The following STRBP variants were observed in gnomAD, a reference collection of about 807,000 sequenced individuals.
The protein encoded by STRBP is spermatid perinuclear RNA binding protein.
A neutral mutation model predicts 80.1 loss-of-function variants in STRBP; 13 were observed. The ratio of observed to expected loss-of-function variants is 0.16; its 90% confidence interval spans 0.11 to 0.26. The LOEUF (loss-of-function observed/expected upper bound fraction) is 0.26. Ranked by LOEUF, STRBP falls within the 10% of genes least tolerant of loss-of-function variation. The pLI, the probability that STRBP is intolerant of heterozygous loss-of-function variation, is 1.00. For missense variants in STRBP, 485 were observed against 815.2 expected (o/e 0.59, Z 4.93); for synonymous variants, 284 against 291.2 (o/e 0.98, Z 0.25).
intron 2 of STRBP, among the ~76,000 whole-genome samples, chr9:123,190,562 C>A (rs2038887405): frequency 6.6e-6 from 1 of 152,106 alleles, no homozygotes; most frequent in African/African-American, 2.4e-5. Context: ...CCGGCTATTC[C>A]TCCTTACCCA....
chr9:123,249,355 G>A (rs2040864807), intron 1 of STRBP, among the ~76,000 whole-genome samples: 1 of 152,032 alleles, frequency 6.6e-6, no homozygotes, highest in South Asian at 2.1e-4. Context: ...CTCCAGCCTG[G>A]GCAACAGAGT....
chr9:123,230,931 G>T (rs1285230671), intron 2 of STRBP, among the ~76,000 whole-genome samples: 1 of 152,094 alleles, frequency 6.6e-6, no homozygotes, highest in Non-Finnish European at 1.5e-5. Context: ...AAAACAAAAA[G>T]GTTAAACCTA....
intron 6 of STRBP, among the ~76,000 whole-genome samples, chr9:123,166,785 CAACAACAA>C (rs1186288592): frequency 1.4e-3 from 113 of 79,518 alleles, no homozygotes; most frequent in Non-Finnish European, 2.6e-3. Flanking sequence ...ACAACAACAA[CAACAACAA>C]AAAAACAAGC....
At chr9:123,217,804 T>C (rs535729392) in intron 2 of STRBP, among the ~76,000 whole-genome samples, 2 of 152,372 alleles carry the variant, frequency 1.3e-5, no homozygotes, top group South Asian at 2.1e-4. Flanking sequence ...GCATTCAGTA[T>C]TGCAAATCCA....
chr9:123,170,123 C>A, intron 5 of STRBP, 77 bp from the exon 6 acceptor site: 1 of 1,405,878 alleles, frequency 7.1e-7, no homozygotes, highest in Non-Finnish European at 9.6e-7. Context: ...AATGCTTGTA[C>A]TAAGTTCTCG....
Position 123,168,306 on chromosome 9 carries a change from T to C in STRBP, c.535+1596A>G, listed in dbSNP as rs868340431. On this transcript the variant is annotated intron_variant, in intron 6 of 18. Coordinates refer to ENST00000348403, the MANE Select transcript of STRBP (RefSeq NM_018387.5). ...TAAGATTGGTTCTTCAGAGGTGCTA[T>C]AGATACTACATACAGCAAAAAAATT... 1.8e-5 allele frequency: 15 copies of C among 811,038 alleles called. No individual in the cohort carries two copies. The Middle Eastern group carries it at 1.9e-3, about 103-fold the overall frequency. 50.2% of individuals were successfully genotyped at this position (811,038 alleles called of 1,614,324 possible).
At chr9:123,141,210 T>C (rs1415050319) in intron 13 of STRBP, among the ~76,000 whole-genome samples, 1 of 152,186 alleles carries the variant, frequency 6.6e-6, no homozygotes, top group Non-Finnish European at 1.5e-5. Flanking sequence ...ATATAAACAG[T>C]GTTACCCTAA....
At chr9:123,212,324 A>G (rs1272167766) in intron 2 of STRBP, among the ~76,000 whole-genome samples, 1 of 152,206 alleles carries the variant, frequency 6.6e-6, no homozygotes, top group Non-Finnish European at 1.5e-5. Flanking sequence ...AACAGTATAT[A>G]TTAATAATTG....
rs192624250 is a variant in STRBP at position 123,149,754 on chromosome 9, C to T, written c.1046-1884G>A. 4.6e-5 allele frequency among the ~76,000 whole-genome samples: 7 copies of T among 152,290 alleles called. No individual in the cohort carries two copies. The East Asian group carries it at 1.3e-3, about 29-fold the overall frequency. On this transcript the variant is annotated intron_variant, in intron 11 of 18. Coordinates refer to ENST00000348403, the MANE Select transcript of STRBP (RefSeq NM_018387.5). ...ACTGTTAACATCTTACAGGTATTAA[C>T]TTATTTAATCCTCATGAGCACCCTC...
chr9:123,178,990 G>C lies in STRBP; in HGVS notation c.224+17C>G. On this transcript the variant is annotated intron_variant, in intron 4 of 18. Coordinates refer to ENST00000348403, the MANE Select transcript of STRBP (RefSeq NM_018387.5). ...GTGCACTCTAGCACAGCGTCCCAGA[G>C]GTCAGTCCACACTCACTTGGAATAG... 1 of 1,612,258 alleles carries C rather than the reference G, an allele frequency of 6.2e-7. No homozygotes were observed.
intron 6 of STRBP, among the ~76,000 whole-genome samples, chr9:123,161,723 A>G (rs1323689297): frequency 1.3e-5 from 2 of 152,238 alleles, no homozygotes; most frequent in East Asian, 1.9e-4. Context: ...CAAGTTTTAC[A>G]TGCCTTTTAA....
chr9:123,142,022 C>A (rs1350596734), intron 13 of STRBP, among the ~76,000 whole-genome samples: 3 of 152,310 alleles, frequency 2.0e-5, no homozygotes, highest in African/African-American at 7.2e-5. Context: ...AAGAATCCTG[C>A]TAAATTGGTT....
intron 16 of STRBP, among the ~76,000 whole-genome samples, chr9:123,135,592 G>C (rs994838013): frequency 6.6e-6 from 1 of 152,050 alleles, no homozygotes; most frequent in Non-Finnish European, 1.5e-5. Flanking sequence ...AATTTTATGC[G>C]GTCGGCAAAG....
intron 17 of STRBP, among the ~76,000 whole-genome samples, chr9:123,130,996 A>G (rs1311947277): frequency 6.6e-6 from 1 of 152,120 alleles, no homozygotes; most frequent in Non-Finnish European, 1.5e-5. Flanking sequence ...ATAGATGTAC[A>G]TAGTTCCGGG....
chr9:123,132,822 A>G (rs774371515), intron 17 of STRBP, 23 bp downstream of exon 17: 10 of 1,612,386 alleles, frequency 6.2e-6, no homozygotes, highest in African/African-American at 5.3e-5. Flanking sequence ...AAGGGGGCCA[A>G]TCTCTTGCAG....
intron 1 of STRBP, among the ~76,000 whole-genome samples, chr9:123,261,919 A>G (rs1246238613): frequency 1.3e-5 from 2 of 152,222 alleles, no homozygotes; most frequent in African/African-American, 4.8e-5. Flanking sequence ...GAAGCCTATG[A>G]TTAGATGCAA....
At chr9:123,146,197 ATATACT>A (rs2036807653) in intron 13 of STRBP, among the ~76,000 whole-genome samples, 1 of 152,120 alleles carries the variant, frequency 6.6e-6, no homozygotes. Context: ...AAGAGGTCAA[ATATACT>A]TATAGAGAGA....
intron 6 of STRBP, among the ~76,000 whole-genome samples, chr9:123,167,194 G>C (rs2037805491): frequency 6.6e-6 from 1 of 151,822 alleles, no homozygotes; most frequent in African/African-American, 2.4e-5. Context: ...AGGTGTGTAT[G>C]TATTGTGAAC....
chr9:123,256,207 T>C (rs1471493529), intron 1 of STRBP, among the ~76,000 whole-genome samples: 1 of 151,756 alleles, frequency 6.6e-6, no homozygotes, highest in Non-Finnish European at 1.5e-5. Context: ...TCTATAAAGA[T>C]GTGGTCTCAT....
Sources: allele counts gnomAD v4.1 joint callset (sites outside exome capture counted in the v4.1 genomes callset), GRCh38; gene constraint gnomAD v4.1.1; transcripts MANE v1.5; gene names NCBI Gene and HGNC (gene_info 2026-07-23, HGNC 2026-07-21).